NLN: variants seen among roughly 807,000 people sequenced by gnomAD.
NLN encodes neurolysin.
NLN carries 64 observed loss-of-function variants against 79.9 expected under a neutral mutation model. The observed-to-expected ratio is 0.80, with a 90% CI of 0.65 to 0.99. NLN has a LOEUF of 0.99. NLN is among the 50% of genes least tolerant of loss of function. The pLI is 0.00. For missense variants in NLN, 835 were observed against 858.7 expected (o/e 0.97, Z 0.34); for synonymous variants, 267 against 296.6 (o/e 0.90, Z 1.02).
chr5:65,805,815 G>A (rs1432073283), intron 9 of NLN, among the ~76,000 whole-genome samples: 3 of 152,230 alleles, frequency 2.0e-5, no homozygotes, highest in African/African-American at 7.2e-5. Flanking sequence ...TGCCGTCTAG[G>A]ACTTTCAGGA....
At chr5:65,780,930 C>T (rs1759787084) in intron 5 of NLN, among the ~76,000 whole-genome samples, 1 of 152,160 alleles carries the variant, frequency 6.6e-6, no homozygotes. Flanking sequence ...CTTCAGCCTC[C>T]CAAAGTGCTG....
chr5:65,816,969 G>A (rs1336092705), intron 12 of NLN, among the ~76,000 whole-genome samples: 1 of 152,156 alleles, frequency 6.6e-6, no homozygotes, highest in Admixed American at 6.5e-5. Context: ...TATTGGTTAT[G>A]CAATAGAGAA....
chr5:65,821,181 A>G (rs1760789114), intron 12 of NLN, among the ~76,000 whole-genome samples: 1 of 152,304 alleles, frequency 6.6e-6, no homozygotes, highest in Middle Eastern at 3.4e-3. Context: ...GAAGTTCGGT[A>G]TCAGTGACTG....
intron 8 of NLN, among the ~76,000 whole-genome samples, chr5:65,791,704 C>T (rs11750278): frequency 0.23 from 34,740 of 150,084 alleles, 4,109 homozygotes; most frequent in Admixed American, 0.3. Flanking sequence ...GCCTGGATGA[C>T]AGAGCAAGAC....
intron 2 of NLN, among the ~76,000 whole-genome samples, chr5:65,760,129 A>G (rs1304933899): frequency 6.6e-6 from 1 of 152,202 alleles, no homozygotes; most frequent in Admixed American, 6.5e-5. Context: ...TGACCTGGTC[A>G]TCTCCTTGCC....
intron 1 of NLN, among the ~76,000 whole-genome samples, chr5:65,754,954 G>A (rs1218324447): frequency 6.6e-6 from 1 of 152,110 alleles, no homozygotes; most frequent in Admixed American, 6.6e-5. Flanking sequence ...GTTCATGTAG[G>A]CAATTTATCC....
chr5:65,790,624 C>A (rs534654291), intron 8 of NLN, among the ~76,000 whole-genome samples: 1 of 152,192 alleles, frequency 6.6e-6, no homozygotes, highest in Non-Finnish European at 1.5e-5. Context: ...GTCCCTCCCA[C>A]GACACGTGGG....
At chr5:65,722,459 G>T in intron 1 of NLN, 45 bp downstream of exon 1, 1 of 1,532,488 alleles carries the variant, frequency 6.5e-7, no homozygotes, top group South Asian at 1.2e-5. Context: ...GCAGGGCGGG[G>T]TCTTTCGCCG....
intron 12 of NLN, among the ~76,000 whole-genome samples, chr5:65,819,842 A>G (rs1561216050): frequency 6.6e-6 from 1 of 151,274 alleles, no homozygotes. Context: ...TCACTTAACT[A>G]TTTTTTTTTC....
intron 1 of NLN, among the ~76,000 whole-genome samples, chr5:65,734,758 G>T (rs1218644815): frequency 6.6e-6 from 1 of 152,166 alleles, no homozygotes; most frequent in African/African-American, 2.4e-5. Flanking sequence ...ACAGGTTGAT[G>T]AAGCCTGCTT....
intron 1 of NLN, among the ~76,000 whole-genome samples, chr5:65,732,004 G>A (rs1381451815): frequency 6.6e-6 from 1 of 151,894 alleles, no homozygotes; most frequent in South Asian, 2.1e-4. Flanking sequence ...TTCCACCTCA[G>A]CCTCCCAAAG....
At chr5:65,772,400 C>G (rs1759587776) in intron 3 of NLN, among the ~76,000 whole-genome samples, 1 of 152,168 alleles carries the variant, frequency 6.6e-6, no homozygotes, top group African/African-American at 2.4e-5. Context: ...AGTGTGATGC[C>G]TCACTTCAGC....
Position 65,772,069 on chromosome 5 carries a change from A to C in NLN, c.451-5358A>C, listed in dbSNP as rs1759581475. Among the ~76,000 whole-genome samples the C allele has an allele frequency of 2.6e-5, 4 of 152,080 alleles. No individual in the cohort carries two copies. In the South Asian group the frequency reaches 8.3e-4, roughly 32 times the overall value. On this transcript the variant is annotated intron_variant, in intron 3 of 12. Transcript: ENST00000380985. ...GTAAGTGTAGTCATTGGTCATAATC[A>C]ATACTACTAAACTTACAATTTTTTT...
At chr5:65,804,113 G>A (rs1760354309) in intron 9 of NLN, among the ~76,000 whole-genome samples, 1 of 152,196 alleles carries the variant, frequency 6.6e-6, no homozygotes, top group Non-Finnish European at 1.5e-5. Context: ...TCCCATCCAA[G>A]AGGATTTAGT....
intron 9 of NLN, among the ~76,000 whole-genome samples, chr5:65,803,698 G>T (rs865802896): frequency 6.6e-6 from 1 of 152,086 alleles, no homozygotes; most frequent in South Asian, 2.1e-4. Context: ...TAGGGCTCCT[G>T]CCTGCTCCTG....
At chr5:65,727,525 T>C in intron 1 of NLN, among the ~76,000 whole-genome samples, 1 of 146,296 alleles carries the variant, frequency 6.8e-6, no homozygotes, top group South Asian at 2.2e-4. Context: ...GCTAAGGCCT[T>C]AAAAAAAAAA....
chr5:65,768,144 TTTGTC>T (rs1270455794), intron 3 of NLN, among the ~76,000 whole-genome samples: 8 of 152,192 alleles, frequency 5.3e-5, no homozygotes, highest in African/African-American at 1.9e-4. Flanking sequence ...ACATTTTCAG[TTTGTC>T]TTTATAGCAG....
intron 1 of NLN, among the ~76,000 whole-genome samples, chr5:65,743,808 T>C (rs1436698254): frequency 6.6e-6 from 1 of 152,230 alleles, no homozygotes; most frequent in African/African-American, 2.4e-5. Context: ...CATTGGTTTA[T>C]TTATGAAAGT....
chr5:65,731,844 A>G lies in NLN; in HGVS notation c.41+9430A>G, dbSNP rs996854097. ...CATCTCTCTGTAACCTCTGCCTCCC[A>G]GTCTCAAGCAGTCCTCCCACGTCAG... On this transcript the variant is annotated intron_variant, in intron 1 of 12. Transcript: ENST00000380985. 3.0e-5 allele frequency among the ~76,000 whole-genome samples: 4 copies of G among 135,408 alleles called. 1 individual carries two copies. The highest frequency in any genetic ancestry group is 1.1e-4 in the African/African-American group (4 of 36,122). The allele number at this position is 135,408 out of a possible 152,430, so 88.8% of individuals were successfully genotyped here. A position where few individuals can be genotyped will look rare whatever the true frequency, so the allele number is the denominator to read the frequency against.
Sources: gnomAD v4.1 joint callset for allele counts (sites outside exome capture counted in the v4.1 genomes callset) on GRCh38, gnomAD v4.1.1 for gene constraint, MANE v1.5 for transcripts, NCBI Gene and HGNC (gene_info 2026-07-23, HGNC 2026-07-21) for gene names.